PHLDB2: variants seen among roughly 807,000 people sequenced by gnomAD.
PHLDB2 encodes pleckstrin homology-like domain family B member 2.
A neutral mutation model predicts 123.6 loss-of-function variants in PHLDB2; 71 were observed. That is an observed-to-expected ratio of 0.57 (90% CI 0.47 to 0.70). The LOEUF (loss-of-function observed/expected upper bound fraction) is 0.70. Among genes scored for constraint, PHLDB2 ranks in the 30% least tolerant of loss-of-function variants. The pLI is 0.00. For synonymous variants in PHLDB2, 547 were observed against 541.6 expected (o/e 1.01, Z -0.14); for missense variants, 1,446 against 1,519.5 (o/e 0.95, Z 0.80).
intron 1 of PHLDB2, among the ~76,000 whole-genome samples, chr3:111,779,509 T>G (rs979323188): frequency 3.9e-5 from 6 of 152,102 alleles, no homozygotes; most frequent in African/African-American, 1.2e-4. Flanking sequence ...TAGTTTTCTG[T>G]TTCTGCATTC....
intron 9 of PHLDB2, among the ~76,000 whole-genome samples, chr3:111,946,377 C>T (rs1434150071): frequency 6.6e-6 from 1 of 152,164 alleles, no homozygotes; most frequent in Non-Finnish European, 1.5e-5. Flanking sequence ...GAAAAGCTTG[C>T]TTCTACTTAC....
rs571977158 is a variant in PHLDB2 at position 111,827,673 on chromosome 3, G to A, written c.-48-18148G>A. Among the ~76,000 whole-genome samples the A allele has an allele frequency of 8.6e-5, 10 of 116,954 alleles. 1 individual carries two copies. In the South Asian group the frequency reaches 3.0e-3, roughly 35 times the overall value. 76.7% of individuals were successfully genotyped at this position (116,954 alleles called of 152,430 possible). ...GCCGGCCTGAGCGACAGAGCGAGAC[G>A]AGAATCCGTCTCAAAAAAAAAAAAA... On this transcript the variant is annotated intron_variant, in intron 1 of 17. Transcript: ENST00000393923.
chr3:111,889,959 A>G (rs2107362651), intron 2 of PHLDB2, among the ~76,000 whole-genome samples: 1 of 152,324 alleles, frequency 6.6e-6, no homozygotes, highest in East Asian at 1.9e-4. Flanking sequence ...TACAGCTCCA[A>G]TTACAGATCA....
At position 111,782,799 on chromosome 3, in the gene PHLDB2, A is replaced by C. The variant is rs112860283; in HGVS notation, c.-49+50096A>C. ...TCATCATTTTGAACAAGTGCTTAGC[A>C]CATATGAGGTGATAAATAGAGCTTT... On this transcript the variant is annotated intron_variant, in intron 1 of 17. Transcript: ENST00000393923. Among the ~76,000 whole-genome samples, 1,224 of 152,262 alleles carry C rather than the reference A, an allele frequency of 8.0e-3. 9 individuals carry two copies. The highest frequency in any genetic ancestry group is 0.027 in the African/African-American group (1,113 of 41,556).
chr3:111,789,474 A>G lies in PHLDB2; in HGVS notation c.-48-56347A>G, dbSNP rs112070124. 8.0e-3 allele frequency among the ~76,000 whole-genome samples: 1,225 copies of G among 152,360 alleles called. 9 individuals carry two copies. Among genetic ancestry groups the G allele is most frequent in the African/African-American group, 0.027 (1,113 of 41,580 alleles). Reference sequence around the variant, plus strand: ...ATAAGTACATTCTCCGTTTAAAAAAAGAAGAAAGATTTAACTGCTCTGACA... The same window carrying G: ...ATAAGTACATTCTCCGTTTAAAAAAGGAAGAAAGATTTAACTGCTCTGACA... On this transcript the variant is annotated intron_variant, in intron 1 of 17. Coordinates refer to the PHLDB2 transcript ENST00000393923.
rs200460122 is a variant in PHLDB2, at chr3:111,913,575, G to A, written c.1592G>A (p.Ser531Asn). 283 of 1,614,012 alleles carry A rather than the reference G, an allele frequency of 1.8e-4. No homozygotes were observed. Among genetic ancestry groups the A allele is most frequent in the Middle Eastern group, 1.6e-4 (1 of 6,082 alleles). ...SCGSLSQSSA[S>N]FFTPRSTRND... The stretch of plus-strand genomic sequence containing the variant: ...GGGAGTCTCAGTCAGAGCAGTGCCA[G>A]CTTCTTTACCCCCAGGAGCACCAGG... Residue 531 changes from serine (S) to asparagine (N), a missense_variant, in exon 3 of 18, where the codon AGC (serine) becomes AAC (asparagine). Physicochemically the swap from Ser to Asn is conservative, Grantham distance 46. Around this residue, in one of 3 missense-constraint regions of PHLDB2, gnomAD observed 832 missense variants for 831.9 expected, o/e 1.00. Transcript: ENST00000431670.
At chr3:111,926,157 C>G in intron 5 of PHLDB2, among the ~76,000 whole-genome samples, 1 of 152,252 alleles carries the variant, frequency 6.6e-6, no homozygotes, top group East Asian at 1.9e-4. Flanking sequence ...AAGCTTAAAT[C>G]ATTCTGTGCC....
intron 1 of PHLDB2, among the ~76,000 whole-genome samples, chr3:111,827,439 G>T (rs944724102): frequency 2.0e-5 from 3 of 152,138 alleles, no homozygotes; most frequent in Non-Finnish European, 4.4e-5. Flanking sequence ...ACTTTGGGAG[G>T]CCCAGGTGGG....
chr3:111,963,140 A>G (rs1181410206), intron 13 of PHLDB2, among the ~76,000 whole-genome samples: 2 of 152,144 alleles, frequency 1.3e-5, no homozygotes, highest in Non-Finnish European at 2.9e-5. Context: ...AAATCTGGCC[A>G]TGGTGCTCCT....
chr3:111,812,175 A>G (rs1018806885), intron 1 of PHLDB2, among the ~76,000 whole-genome samples: 8 of 152,108 alleles, frequency 5.3e-5, no homozygotes, highest in African/African-American at 1.2e-4. Flanking sequence ...TTTACAGACT[A>G]TTTCTTTTTC....
chr3:111,847,802 G>A (rs1356526616), intron 2 of PHLDB2, among the ~76,000 whole-genome samples: 1 of 152,106 alleles, frequency 6.6e-6, no homozygotes, highest in Non-Finnish European at 1.5e-5. Context: ...GAAGGCAAGG[G>A]GATGAAAAGT....
chr3:111,974,286 G>A, intron 17 of PHLDB2, 137 bp from the exon 18 acceptor site: 1 of 793,852 alleles, frequency 1.3e-6, no homozygotes, highest in East Asian at 2.9e-5. Context: ...AGGTGTGTGA[G>A]TTATAGTAGA....
rs192596727 is a variant in PHLDB2, at chr3:111,958,251, C to G, written c.2873-3857C>G. On this transcript the variant is annotated intron_variant, in intron 12 of 17. Transcript: ENST00000431670. ...TTCCTGACTTGTCCTGTGCCCTCTT[C>G]TTCTGGCTGTGGACTGTCATTAGGA... 2.7e-4 allele frequency: 271 copies of G among 987,282 alleles called. 2 individuals carry two copies. In the African/African-American group the frequency reaches 3.5e-3, roughly 13 times the overall value. The allele number at this position is 987,282 out of a possible 1,614,324, so 61.2% of individuals were successfully genotyped here.
chr3:111,885,938 G>T, intron 2 of PHLDB2: 1 of 291,090 alleles, frequency 3.4e-6, no homozygotes, highest in African/African-American at 2.2e-5. Flanking sequence ...ACTATCTTTA[G>T]CTCTGATTCT....
At chr3:111,872,444 A>G (rs891385962) in intron 1 of PHLDB2, among the ~76,000 whole-genome samples, 17 of 152,070 alleles carry the variant, frequency 1.1e-4, no homozygotes, top group Admixed American at 5.2e-4. Context: ...TCACCTTGTC[A>G]ATGCCTCTTG....
chr3:111,974,029 A>G (rs2072395115), intron 17 of PHLDB2, among the ~76,000 whole-genome samples: 1 of 152,222 alleles, frequency 6.6e-6, no homozygotes, highest in South Asian at 2.1e-4. Flanking sequence ...TATTCTGGAC[A>G]TAATGGTTTG....
intron 1 of PHLDB2, 186 bp from the exon 2 acceptor site, chr3:111,883,878 T>C: frequency 1.7e-6 from 1 of 573,164 alleles, no homozygotes; most frequent in East Asian, 2.9e-5. Flanking sequence ...TTATCTCAGG[T>C]CAATGATCTT....
chr3:111,798,466 A>C (rs2061252782), intron 1 of PHLDB2, among the ~76,000 whole-genome samples: 2 of 152,134 alleles, frequency 1.3e-5, no homozygotes, highest in South Asian at 4.1e-4. Context: ...AGTAAGATTA[A>C]GTGAAAATTA....
rs537323289 is a variant in PHLDB2, at chr3:111,826,927, C to T, written c.-48-18894C>T. 1.3e-4 allele frequency among the ~76,000 whole-genome samples: 20 copies of T among 152,074 alleles called. No individual in the cohort carries two copies. In the South Asian group the frequency reaches 2.9e-3, roughly 22 times the overall value. On this transcript the variant is annotated intron_variant, in intron 1 of 17. Coordinates refer to the PHLDB2 transcript ENST00000393923. ...CTGCTGATGATGATGATGGAAATGA[C>T]GTGATGATTTAGAAAAAGAAAATGA...
Sources: allele counts gnomAD v4.1 joint callset (sites outside exome capture counted in the v4.1 genomes callset), GRCh38; gene constraint gnomAD v4.1.1; regional missense constraint gnomAD v4.1.1; transcripts MANE v1.5; gene names NCBI Gene and HGNC (gene_info 2026-07-23, HGNC 2026-07-21).